Variants in DNAAF9 observed in about 807,000 individuals in gnomAD.
DNAAF9 encodes dynein axonemal assembly factor 9, also known as shulin.
In DNAAF9, 90 loss-of-function variants were observed where a neutral mutation model predicts 167.0. The ratio of observed to expected loss-of-function variants is 0.54; its 90% confidence interval spans 0.45 to 0.64. The LOEUF is 0.64. DNAAF9 is among the 30% of genes least tolerant of loss of function. DNAAF9 has a pLI of 0.00. For missense variants in DNAAF9, 1,315 were observed against 1,442.2 expected (o/e 0.91, Z 1.43); for synonymous variants, 491 against 508.8 (o/e 0.96, Z 0.47).
rs1480991310 is a variant in DNAAF9, at chr20:3,322,674, G to GTA, written c.1286_1287dup (p.His430TyrfsTer4). Reference sequence around the variant, plus strand: ...CACCTTCCCTGATTATTCACAGCATGTATATGAAAAGTCATCTTGGAGCTG... The same window carrying GTA: ...CACCTTCCCTGATTATTCACAGCATGTATATATGAAAAGTCATCTTGGAGCTG... On this transcript the variant is annotated frameshift_variant, in exon 15 of 37. Transcript: ENST00000252032. LOFTEE classifies it high-confidence loss of function. The GTA allele has an allele frequency of 1.4e-5, 23 of 1,612,830 alleles. No individual in the cohort carries two copies. The highest frequency in any genetic ancestry group is 1.9e-5 in the Non-Finnish European group (22 of 1,178,904).
At chr20:3,399,265 C>T (rs2083951183) in intron 1 of DNAAF9, among the ~76,000 whole-genome samples, 1 of 152,052 alleles carries the variant, frequency 6.6e-6, no homozygotes, top group Non-Finnish European at 1.5e-5. Context: ...GTCACCCAGG[C>T]TGGAGTACAA....
At position 3,251,108 on chromosome 20, in the gene DNAAF9, G is replaced by A. The variant is rs963557891; in HGVS notation, c.*1464C>T. Reference sequence around the variant, plus strand: ...CTTGATGCAAAATTTCTTATCAATGGTATCTGGAGTTTTGTTCATTTGGCT... The same window carrying A: ...CTTGATGCAAAATTTCTTATCAATGATATCTGGAGTTTTGTTCATTTGGCT... On this transcript the variant is annotated 3_prime_UTR_variant, in exon 37 of 37. Coordinates refer to ENST00000252032, the MANE Select transcript of DNAAF9 (RefSeq NM_001009984.3). 3 of 150,964 alleles carry A rather than the reference G, an allele frequency of 2.0e-5. No homozygotes were observed. In the South Asian group the frequency reaches 6.3e-4, roughly 32 times the overall value. 9.4% of individuals were successfully genotyped at this position (150,964 alleles called of 1,614,324 possible).
chr20:3,271,625 C>T (rs6139057), intron 29 of DNAAF9, among the ~76,000 whole-genome samples: 31 of 113,172 alleles, frequency 2.7e-4, no homozygotes, highest in Admixed American at 3.5e-4. Context: ...TTTACTTCTT[C>T]TTTTTTTTTT....
chr20:3,293,709 G>A (rs1222460837), intron 25 of DNAAF9, among the ~76,000 whole-genome samples: 1 of 150,022 alleles, frequency 6.7e-6, no homozygotes, highest in Non-Finnish European at 1.5e-5. Context: ...GGGGAAGATA[G>A]TGTTTATAAA....
At chr20:3,373,439 C>T (rs2083535882) in intron 6 of DNAAF9, among the ~76,000 whole-genome samples, 1 of 152,230 alleles carries the variant, frequency 6.6e-6, no homozygotes, top group Non-Finnish European at 1.5e-5. Context: ...CTCTGGACCA[C>T]ACACTGTCCC....
intron 6 of DNAAF9, among the ~76,000 whole-genome samples, chr20:3,364,108 C>CT (rs1410276007): frequency 7.9e-5 from 12 of 151,888 alleles, no homozygotes; most frequent in South Asian, 4.2e-4. Flanking sequence ...AGCTTTGGGT[C>CT]CTTTTTTTGT....
intron 12 of DNAAF9, among the ~76,000 whole-genome samples, chr20:3,329,726 C>T (rs561733793): frequency 1.3e-5 from 2 of 151,954 alleles, no homozygotes; most frequent in Non-Finnish European, 2.9e-5. Context: ...TGATCTAGAC[C>T]CCACCAAGTT....
chr20:3,386,598 A>G (rs577932325), intron 1 of DNAAF9, among the ~76,000 whole-genome samples: 13 of 152,020 alleles, frequency 8.6e-5, no homozygotes, highest in South Asian at 6.2e-4. Flanking sequence ...ATCCATAGGG[A>G]AAAAAAATGA....
intron 30 of DNAAF9, among the ~76,000 whole-genome samples, chr20:3,268,022 CTTT>C (rs755499907): frequency 1.5e-5 from 2 of 133,388 alleles, no homozygotes; most frequent in South Asian, 2.5e-4. Context: ...GATAGGTTTA[CTTT>C]TTTTTTTTTT....
At chr20:3,364,360 A>C (rs1007492326) in intron 6 of DNAAF9, among the ~76,000 whole-genome samples, 1 of 152,070 alleles carries the variant, frequency 6.6e-6, no homozygotes, top group African/African-American at 2.4e-5. Context: ...AAATATTCTT[A>C]TGCTTTGTTC....
intron 20 of DNAAF9, among the ~76,000 whole-genome samples, chr20:3,312,447 A>C (rs2069431078): frequency 6.6e-6 from 1 of 152,144 alleles, no homozygotes; most frequent in Admixed American, 6.5e-5. Context: ...GTATGGAAAA[A>C]ATAACAACTT....
At chr20:3,358,166 T>C (rs1037485731) in intron 7 of DNAAF9, among the ~76,000 whole-genome samples, 1 of 152,184 alleles carries the variant, frequency 6.6e-6, no homozygotes, top group African/African-American at 2.4e-5. Flanking sequence ...TGTACCTGGA[T>C]GCCAACGCAT....
intron 21 of DNAAF9, among the ~76,000 whole-genome samples, chr20:3,299,241 C>T (rs182350199): frequency 2.6e-5 from 4 of 152,080 alleles, no homozygotes; most frequent in Admixed American, 1.3e-4. Flanking sequence ...ATTTATTGTA[C>T]AGGGTATAAA....
At chr20:3,277,574 C>G (rs1459776925) in intron 29 of DNAAF9, among the ~76,000 whole-genome samples, 2 of 151,986 alleles carry the variant, frequency 1.3e-5, no homozygotes, top group Non-Finnish European at 2.9e-5. Context: ...TCCTAATCTC[C>G]TAAGCTAGAA....
chr20:3,404,316 G>A lies in DNAAF9; in HGVS notation c.83+3159C>T, dbSNP rs150477175. Among the ~76,000 whole-genome samples, 61 of 152,214 alleles carry A rather than the reference G, an allele frequency of 4.0e-4. No homozygotes were observed. The East Asian group carries it at 0.011, about 29-fold the overall frequency. On this transcript the variant is annotated intron_variant, in intron 1 of 36. Transcript: ENST00000252032. ...CTCTCAAAGTGCTGGGATTACAGGC[G>A]TGAGCCACCGTGCCCAGCCTGATTA... is the stretch of plus-strand genomic sequence containing the variant.
chr20:3,339,763 G>C (rs913217366), intron 10 of DNAAF9, among the ~76,000 whole-genome samples: 9 of 152,160 alleles, frequency 5.9e-5, no homozygotes, highest in African/African-American at 2.2e-4. Context: ...AGTGGCATGT[G>C]CCTGTGGTCC....
At chr20:3,332,907 GTGTGTGT>G (rs2069865430) in intron 10 of DNAAF9, among the ~76,000 whole-genome samples, 6 of 136,776 alleles carry the variant, frequency 4.4e-5, no homozygotes, top group Non-Finnish European at 8.4e-5. Context: ...TGTGGTGTGT[GTGTGTGT>G]GTGTGTGTGT....
chr20:3,338,860 G>T (rs2070022104), intron 10 of DNAAF9, among the ~76,000 whole-genome samples: 2 of 151,828 alleles, frequency 1.3e-5, no homozygotes, highest in Admixed American at 6.6e-5. Context: ...CACTATATTG[G>T]CCAGGCTGGT....
chr20:3,311,707 A>G (rs2069416285), intron 20 of DNAAF9, among the ~76,000 whole-genome samples: 1 of 152,232 alleles, frequency 6.6e-6, no homozygotes. Context: ...GCAGGTCTAC[A>G]TTATGATTCT....
Sources: allele counts gnomAD v4.1 joint callset (sites outside exome capture counted in the v4.1 genomes callset), GRCh38; gene constraint gnomAD v4.1.1; transcripts MANE v1.5; gene names NCBI Gene and HGNC (gene_info 2026-07-23, HGNC 2026-07-21).